Variants in TRERF1 observed in about 807,000 individuals in gnomAD.
The protein encoded by TRERF1 is transcriptional-regulating factor 1.
Under a neutral mutation model 122.9 loss-of-function variants are expected in TRERF1, and 27 were observed. The observed-to-expected ratio is 0.22, with a 90% CI of 0.16 to 0.30. TRERF1 has a LOEUF of 0.30. Among genes scored for constraint, TRERF1 ranks in the 10% least tolerant of loss-of-function variants. The pLI, the probability that TRERF1 is intolerant of heterozygous loss-of-function variation, is 1.00. For missense variants in TRERF1, 1,248 were observed against 1,560.3 expected (o/e 0.80, Z 3.37); for synonymous variants, 636 against 641.7 (o/e 0.99, Z 0.13).
intron 8 of TRERF1, among the ~76,000 whole-genome samples, chr6:42,260,251 A>AGG (rs1398796373): frequency 6.6e-6 from 1 of 151,780 alleles, no homozygotes; most frequent in Non-Finnish European, 1.5e-5. Flanking sequence ...CACTTTCAGC[A>AGG]GGGGGGGAGA....
rs151033119 is a variant in TRERF1 at position 42,357,157 on chromosome 6, T to C, written c.-371+5840A>G. 2.9e-3 allele frequency among the ~76,000 whole-genome samples: 436 copies of C among 151,592 alleles called. 1 individual carries two copies. Among genetic ancestry groups the C allele is most frequent in the African/African-American group, 0.01 (418 of 41,350 alleles). ...CAGCCTGACCAACATGGTGAAACCCTGTTTCCACTAAAAATACAAAAATTA... is the reference window on the plus strand; with the variant it reads ...CAGCCTGACCAACATGGTGAAACCCCGTTTCCACTAAAAATACAAAAATTA... On this transcript the variant is annotated intron_variant, in intron 3 of 17. Coordinates refer to ENST00000372922, the Ensembl canonical transcript of TRERF1.
Position 42,228,490 on chromosome 6 carries a change from A to T in TRERF1, c.3458T>A (p.Ile1153Asn). 1 of 1,614,166 alleles carries T rather than the reference A, an allele frequency of 6.2e-7. No individual in the cohort carries two copies. The highest frequency in any genetic ancestry group is 8.5e-7 in the Non-Finnish European group (1 of 1,180,028). The change falls in exon 18 of 18, where the codon ATC (isoleucine) becomes AAC (asparagine). Residue 1153 changes from isoleucine (I) to asparagine (N), a missense_variant. Transcript: ENST00000372922. This position sits in a 1 kb window ranked among gnomAD's most constrained non-coding sequence, Gnocchi z 4.2. The stretch of plus-strand genomic sequence containing the variant: ...GATGTCCACATCCTTGATGGGTTTG[A>T]TCAGACTCAGCTGGTCCAGGGGCAG...
intron 4 of TRERF1, among the ~76,000 whole-genome samples, chr6:42,271,347 G>A (rs1371657064): frequency 6.6e-6 from 1 of 151,920 alleles, no homozygotes; most frequent in Non-Finnish European, 1.5e-5. Flanking sequence ...ACTACACCAG[G>A]GAGAACGAAA....
chr6:42,282,637 G>A (rs989898095), intron 4 of TRERF1, among the ~76,000 whole-genome samples: 1 of 152,156 alleles, frequency 6.6e-6, no homozygotes, highest in African/African-American at 2.4e-5. Flanking sequence ...ATGGAAAGAC[G>A]TCCAAGGTTA....
intron 2 of TRERF1, among the ~76,000 whole-genome samples, chr6:42,385,390 C>A (rs1345402822): frequency 6.6e-6 from 1 of 152,174 alleles, no homozygotes; most frequent in Non-Finnish European, 1.5e-5. Flanking sequence ...TCAAAATTAC[C>A]TTCCCATCAT....
chr6:42,410,745 T>C (rs1276913395), intron 2 of TRERF1, among the ~76,000 whole-genome samples: 1 of 152,172 alleles, frequency 6.6e-6, no homozygotes, highest in Non-Finnish European at 1.5e-5. Context: ...AGAGACATGG[T>C]ATATCACCAG....
chr6:42,301,394 T>C (rs910617922), intron 3 of TRERF1, among the ~76,000 whole-genome samples: 1 of 152,178 alleles, frequency 6.6e-6, no homozygotes, highest in African/African-American at 2.4e-5. Flanking sequence ...CACACCTGGC[T>C]AATTTTTGTA....
intron 2 of TRERF1, among the ~76,000 whole-genome samples, chr6:42,435,675 T>C (rs1002479596): frequency 6.6e-6 from 1 of 152,032 alleles, no homozygotes; most frequent in African/African-American, 2.4e-5. Flanking sequence ...TAATAGGGAC[T>C]AGTTAAATAA....
intron 2 of TRERF1, among the ~76,000 whole-genome samples, chr6:42,432,180 T>C (rs1486226375): frequency 1.3e-5 from 2 of 152,212 alleles, no homozygotes; most frequent in African/African-American, 4.8e-5. Flanking sequence ...GTCAGTATTA[T>C]ACAGCATGTA....
intron 3 of TRERF1, among the ~76,000 whole-genome samples, chr6:42,338,698 C>A (rs1188687142): frequency 1.3e-5 from 2 of 152,080 alleles, no homozygotes; most frequent in Non-Finnish European, 2.9e-5. Context: ...TCTCCCTGCA[C>A]CCAGCCTGCC....
chr6:42,236,422 G>A lies in TRERF1; in HGVS notation c.2860-11C>T, dbSNP rs763243073. ...TTCTTCTTCACTTGTCTAGTGTTAA[G>A]GTAATAAAAGCAAGAGGGGAAAATC... On this transcript the variant is annotated splice_polypyrimidine_tract_variant and intron_variant, in intron 15 of 17. Coordinates refer to ENST00000372922, the Ensembl canonical transcript of TRERF1. The A allele has an allele frequency of 1.4e-5, 22 of 1,550,084 alleles. No individual in the cohort carries two copies. In the Middle Eastern group the frequency reaches 1.0e-3, roughly 70 times the overall value.
At chr6:42,303,181 G>T (rs933589497) in intron 3 of TRERF1, among the ~76,000 whole-genome samples, 1 of 152,170 alleles carries the variant, frequency 6.6e-6, no homozygotes, top group Non-Finnish European at 1.5e-5. Flanking sequence ...CAAATGCAAG[G>T]CACTTGGCAT....
intron 3 of TRERF1, among the ~76,000 whole-genome samples, chr6:42,351,145 G>A (rs1162177623): frequency 2.0e-5 from 3 of 152,274 alleles, no homozygotes; most frequent in African/African-American, 7.2e-5. Flanking sequence ...TAATGTTCAC[G>A]ATAGTCAAGG....
intron 12 of TRERF1, among the ~76,000 whole-genome samples, chr6:42,255,431 G>A (rs1213599234): frequency 3.3e-5 from 5 of 152,310 alleles, no homozygotes; most frequent in East Asian, 1.9e-4. Context: ...AAAAGATGCC[G>A]CAGGCAGAGT....
At chr6:42,278,764 A>G (rs1210190705) in intron 4 of TRERF1, among the ~76,000 whole-genome samples, 1 of 152,232 alleles carries the variant, frequency 6.6e-6, no homozygotes, top group Non-Finnish European at 1.5e-5. Context: ...AAATGCTTTC[A>G]TGATCACATG....
chr6:42,305,313 C>T (rs1786999872), intron 3 of TRERF1, among the ~76,000 whole-genome samples: 1 of 152,182 alleles, frequency 6.6e-6, no homozygotes, highest in South Asian at 2.1e-4. Context: ...TTCCAAGGAC[C>T]TGTCACATCC....
intron 2 of TRERF1, among the ~76,000 whole-genome samples, chr6:42,443,532 T>C (rs1056125264): frequency 4.6e-5 from 7 of 152,196 alleles, no homozygotes; most frequent in Non-Finnish European, 1.5e-5. Flanking sequence ...CTGTAGAACC[T>C]CAGTCGGGTT....
intron 5 of TRERF1, among the ~76,000 whole-genome samples, chr6:42,267,051 A>G (rs1483466537): frequency 6.6e-6 from 1 of 152,202 alleles, no homozygotes; most frequent in Admixed American, 6.5e-5. Context: ...AGGTCACAAA[A>G]AGTCCTGCAG....
intron 3 of TRERF1, among the ~76,000 whole-genome samples, chr6:42,359,587 G>A (rs560109841): frequency 1.8e-4 from 28 of 152,176 alleles, no homozygotes; most frequent in Non-Finnish European, 2.6e-4. Context: ...AGCTGGGCGC[G>A]GTGGCGTGCG....
Sources: gnomAD v4.1 joint callset for allele counts (sites outside exome capture counted in the v4.1 genomes callset) on GRCh38, gnomAD v4.1.1 for gene constraint, Gnocchi (gnomAD v3.1) non-coding constraint, MANE v1.5 for transcripts, NCBI Gene and HGNC (gene_info 2026-07-23, HGNC 2026-07-21) for gene names.